Variants in CCDC158 observed in about 807,000 individuals in gnomAD.
CCDC158 encodes the protein coiled-coil domain containing 158.
A neutral mutation model predicts 138.6 loss-of-function variants in CCDC158; 116 were observed. The ratio of observed to expected loss-of-function variants is 0.84; its 90% CI spans 0.72 to 0.98. The LOEUF (loss-of-function observed/expected upper bound fraction) is 0.98. Ranked by LOEUF, CCDC158 falls within the 50% of genes least tolerant of loss-of-function variation. The pLI is 0.00. For missense variants in CCDC158, 1,265 were observed against 1,306.1 expected, an observed-to-expected ratio of 0.97 and a Z score of 0.48; for synonymous variants, 436 against 442.4, an observed-to-expected ratio of 0.99 and a Z score of 0.18.
chr4:76,338,752 G>A (rs1721778958), intron 18 of CCDC158, among the ~76,000 whole-genome samples: 1 of 152,118 alleles, frequency 6.6e-6, no homozygotes, highest in South Asian at 2.1e-4. Flanking sequence ...TGTGTGTCCT[G>A]CCCATTATTT....
At position 76,324,570 on chromosome 4, in the gene CCDC158, G is replaced by A. The variant is rs1206043143; in HGVS notation, c.3170-1161C>T. Among the ~76,000 whole-genome samples, 3 of 152,090 alleles carry A rather than the reference G, an allele frequency of 2.0e-5. No homozygotes were observed. In the East Asian group the frequency reaches 5.8e-4, roughly 29 times the overall value. ...GGGGGGTTGGGGGTGAGAAGAAAATGCCATGCCTTTATGTAACAAAAATTA... is the reference window on the plus strand; with the variant it reads ...GGGGGGTTGGGGGTGAGAAGAAAATACCATGCCTTTATGTAACAAAAATTA... On this transcript the variant is annotated intron_variant, in intron 23 of 24. Coordinates refer to ENST00000682701, the MANE Select transcript of CCDC158 (RefSeq NM_001394954.1).
At chr4:76,344,737 T>C (rs1394084870) in intron 18 of CCDC158, 13 of 1,613,716 alleles carry the variant, frequency 8.1e-6, no homozygotes, top group South Asian at 1.1e-5. Flanking sequence ...GACACTCTTA[T>C]TGAAACAACA....
chr4:76,385,715 C>T (rs956306015), intron 4 of CCDC158, among the ~76,000 whole-genome samples: 4 of 151,884 alleles, frequency 2.6e-5, no homozygotes, highest in Non-Finnish European at 4.4e-5. Flanking sequence ...AAGAAAAAAA[C>T]GCAACTGAAT....
At chr4:76,411,718 G>C (rs1176911210) in intron 2 of CCDC158, among the ~76,000 whole-genome samples, 2 of 152,202 alleles carry the variant, frequency 1.3e-5, no homozygotes, top group Non-Finnish European at 2.9e-5. Flanking sequence ...AGCATGGGCA[G>C]ACCTTTTCAT....
chr4:76,316,441 C>T (rs1001325804), intron 24 of CCDC158, among the ~76,000 whole-genome samples: 1 of 152,064 alleles, frequency 6.6e-6, no homozygotes, highest in Non-Finnish European at 1.5e-5. Flanking sequence ...TTGAACAAAG[C>T]CTCCAAGAAG....
chr4:76,367,339 C>T lies in CCDC158; in HGVS notation c.1785G>A (p.Leu595=). ...TCCGCCTATCATTAATTTCTTTCTCCAGTTGAGCTTTTTCTACTTGCATAG... is the reference window on the plus strand; with the variant it reads ...TCCGCCTATCATTAATTTCTTTCTCTAGTTGAGCTTTTTCTACTTGCATAG... ...AGAMQVEKAQ[L]EKEINDRRME... Residue 595 remains leucine (L), a synonymous_variant, in exon 12 of 25, where the codon CTG becomes CTA. Coordinates refer to ENST00000682701, the MANE Select transcript of CCDC158 (RefSeq NM_001394954.1). The T allele has an allele frequency of 6.2e-7, 1 of 1,613,680 alleles. No homozygotes were observed.
intron 2 of CCDC158, among the ~76,000 whole-genome samples, chr4:76,411,314 A>G (rs1254088799): frequency 6.6e-6 from 1 of 152,090 alleles, no homozygotes; most frequent in Non-Finnish European, 1.5e-5. Flanking sequence ...AGGTGGGAGG[A>G]TCCCTTGAGC....
chr4:76,329,284 A>C (rs1720805947), intron 21 of CCDC158, among the ~76,000 whole-genome samples: 1 of 152,180 alleles, frequency 6.6e-6, no homozygotes. Flanking sequence ...TTAATGACTC[A>C]TTTAAAAATA....
At chr4:76,365,284 C>T (rs1186141003) in intron 12 of CCDC158, among the ~76,000 whole-genome samples, 3 of 152,186 alleles carry the variant, frequency 2.0e-5, no homozygotes, top group Non-Finnish European at 4.4e-5. Flanking sequence ...GATTCCCCCA[C>T]CTTTTTTTCT....
At chr4:76,332,557 C>A (rs1185620938) in intron 19 of CCDC158, 66 bp from the exon 20 acceptor site, 1 of 1,239,236 alleles carries the variant, frequency 8.1e-7, no homozygotes, top group Non-Finnish European at 1.1e-6. Flanking sequence ...CTTTTTTAGA[C>A]TAATCAATTG....
At chr4:76,402,571 C>G (rs1157868672) in intron 3 of CCDC158, among the ~76,000 whole-genome samples, 1 of 152,230 alleles carries the variant, frequency 6.6e-6, no homozygotes, top group Non-Finnish European at 1.5e-5. Context: ...CTTTGCAGCT[C>G]TTTCAACACC....
chr4:76,338,900 C>T (rs1428249376), intron 18 of CCDC158, among the ~76,000 whole-genome samples: 4 of 152,112 alleles, frequency 2.6e-5, no homozygotes, highest in Non-Finnish European at 4.4e-5. Context: ...GGGGGAAAGA[C>T]CCAATGATGA....
At chr4:76,400,607 C>T (rs1171352497) in intron 3 of CCDC158, among the ~76,000 whole-genome samples, 3 of 150,608 alleles carry the variant, frequency 2.0e-5, no homozygotes, top group Non-Finnish European at 3.0e-5. Flanking sequence ...CACCACCCCC[C>T]CAAAAAAAAG....
chr4:76,385,912 CCAGA>C (rs750544659), intron 4 of CCDC158, among the ~76,000 whole-genome samples: 2 of 152,124 alleles, frequency 1.3e-5, no homozygotes, highest in Non-Finnish European at 2.9e-5. Flanking sequence ...GGAACAAGAA[CCAGA>C]CAGACATCTT....
chr4:76,328,833 G>T, intron 22 of CCDC158, 67 bp downstream of exon 22: 1 of 1,283,246 alleles, frequency 7.8e-7, no homozygotes, highest in Non-Finnish European at 1.1e-6. Flanking sequence ...AATGACTTTG[G>T]CTTTTACCCT....
At chr4:76,344,644 T>A (rs575388209) in intron 18 of CCDC158, 1 of 1,588,150 alleles carries the variant, frequency 6.3e-7, no homozygotes, top group Non-Finnish European at 8.6e-7. Flanking sequence ...AAATTTACAG[T>A]GCACACAAAG....
intron 24 of CCDC158, among the ~76,000 whole-genome samples, chr4:76,322,707 A>G (rs1190945016): frequency 6.6e-6 from 1 of 152,218 alleles, no homozygotes; most frequent in Non-Finnish European, 1.5e-5. Flanking sequence ...TTATAAAAGC[A>G]TGAATCATGA....
At position 76,414,759 on chromosome 4, in the gene CCDC158, A is replaced by C. The variant is rs952513316; in HGVS notation, c.-116-2627T>G. On this transcript the variant is annotated intron_variant, in intron 1 of 24. Transcript: ENST00000682701. ...CATTTTCTCTTGCTGCTGCCAAGTAAGAAGTGCCTTTTGCCTCCTTCATGA... is the reference window on the plus strand; with the variant it reads ...CATTTTCTCTTGCTGCTGCCAAGTACGAAGTGCCTTTTGCCTCCTTCATGA... 2.0e-5 allele frequency among the ~76,000 whole-genome samples: 3 copies of C among 152,224 alleles called. No individual in the cohort carries two copies. The East Asian group carries it at 5.8e-4, about 29-fold the overall frequency.
chr4:76,321,055 G>C (rs1014779132), intron 24 of CCDC158, among the ~76,000 whole-genome samples: 1 of 151,784 alleles, frequency 6.6e-6, no homozygotes, highest in Non-Finnish European at 1.5e-5. Context: ...GAACTCAATC[G>C]AATCAGCAAG....
Sources: allele counts gnomAD v4.1 joint callset (sites outside exome capture counted in the v4.1 genomes callset), GRCh38; gene constraint gnomAD v4.1.1; transcripts MANE v1.5; gene names NCBI Gene and HGNC (gene_info 2026-07-23, HGNC 2026-07-21).